SLC34A2: variants seen among roughly 807,000 people sequenced by gnomAD.
The protein encoded by SLC34A2 is solute carrier family 34 member 2.
SLC34A2 carries 41 observed loss-of-function variants against 50.8 expected under a neutral mutation model. That is an observed-to-expected ratio of 0.81 (90% confidence interval 0.63 to 1.05). SLC34A2 has a LOEUF of 1.05. Ranked by LOEUF, SLC34A2 falls within the 50% of genes least tolerant of loss-of-function variation. The pLI is 0.00. For missense variants in SLC34A2, 879 were observed against 876.7 expected, an observed-to-expected ratio of 1.00 and a Z score of -0.03; for synonymous variants, 401 against 364.2, an observed-to-expected ratio of 1.10 and a Z score of -1.15.
intron 7 of SLC34A2, among the ~76,000 whole-genome samples, chr4:25,670,341 T>C (rs1714748537): frequency 6.6e-6 from 1 of 152,230 alleles, no homozygotes; most frequent in African/African-American, 2.4e-5. Flanking sequence ...TTGACTTCCA[T>C]AACATGCCAC....
At position 25,673,186 on chromosome 4, in the gene SLC34A2, T is replaced by C. The variant is rs771701778; in HGVS notation, c.1148T>C (p.Ile383Thr). The C allele has an allele frequency of 5.6e-6, 9 of 1,614,016 alleles. No individual in the cohort carries two copies. Among genetic ancestry groups the C allele is most frequent in the Non-Finnish European group, 7.6e-6 (9 of 1,180,020 alleles). ...LLVLCGCLIMIVKILGSVLKG... is the reference protein window; with the variant it reads ...LLVLCGCLIMTVKILGSVLKG... ...GTCCTCTGTGGTTGCCTGATCATGA[T>C]TGTCAAGATCCTGGGCTCTGTGCTC... The change falls in exon 10 of 13, where the codon ATT (isoleucine) becomes ACT (threonine). Residue 383 changes from isoleucine to threonine, a missense_variant. By Grantham distance (89) the Ile-to-Thr change is moderately conservative. Transcript: ENST00000382051.
rs766256521 is a variant in SLC34A2, at chr4:25,676,363, G to A, written c.1687G>A (p.Val563Ile). ...GCTGGTTGGTGTCGGGGTTCCCGTCGTCTTCATCATCATCCTGGTACTGTG... is the reference window on the plus strand; with the variant it reads ...GCTGGTTGGTGTCGGGGTTCCCGTCATCTTCATCATCATCCTGGTACTGTG... ...RVLVGVGVPVVFIIILVLCLR... is the reference protein window; with the variant it reads ...RVLVGVGVPVIFIIILVLCLR... The change falls in exon 13 of 13, where the codon GTC (valine) becomes ATC (isoleucine). Residue 563 changes from valine (V) to isoleucine (I), a missense_variant. By Grantham distance (29) the Val-to-Ile change is conservative. Transcript: ENST00000382051. The A allele has an allele frequency of 1.9e-6, 3 of 1,614,142 alleles. No individual in the cohort carries two copies. Among genetic ancestry groups the A allele is most frequent in the African/African-American group, 2.7e-5 (2 of 75,022 alleles).
At chr4:25,674,202 G>C (rs868621264) in intron 10 of SLC34A2, 94 bp from the exon 11 acceptor site, 1 of 838,706 alleles carries the variant, frequency 1.2e-6, no homozygotes, top group Middle Eastern at 2.2e-4. Context: ...ATGGGATGAT[G>C]TACAACCTCA....
At chr4:25,667,122 T>C (rs1034878445) in intron 5 of SLC34A2, 1 of 152,284 alleles carries the variant, frequency 6.6e-6, no homozygotes, top group Non-Finnish European at 1.5e-5. Context: ...TTCAAAATAT[T>C]TTACTTGTTT....
At chr4:25,662,396 C>G in intron 1 of SLC34A2, 102 bp from the exon 2 acceptor site, 1 of 1,054,260 alleles carries the variant, frequency 9.5e-7, no homozygotes, top group East Asian at 2.5e-5. Context: ...GGCCGAAACC[C>G]CCACCCAGTT....
intron 3 of SLC34A2, 56 bp from the exon 4 acceptor site, chr4:25,664,146 C>T (rs1560235778): frequency 2.5e-6 from 4 of 1,592,248 alleles, no homozygotes; most frequent in Non-Finnish European, 3.4e-6. Flanking sequence ...CTCAGGGTTT[C>T]CAACACTAAA....
In SLC34A2 at chr4:25,677,174, C is replaced by T. The variant is rs1029142104; in HGVS notation, c.*425C>T. 1.1e-4 allele frequency: 19 copies of T among 178,822 alleles called. No homozygotes were observed. The highest frequency in any genetic ancestry group is 8.6e-4 in the Admixed American group (16 of 18,684). 11.1% of individuals were successfully genotyped at this position (178,822 alleles called of 1,614,324 possible). ...CTCTATGACTATCAAGCTCAGGCCT[C>T]TCCCTTTTTTTAAACCAAAGTCTGG... is the stretch of plus-strand genomic sequence containing the variant. On this transcript the variant is annotated 3_prime_UTR_variant, in exon 13 of 13. Coordinates refer to ENST00000382051, the MANE Select transcript of SLC34A2 (RefSeq NM_006424.3).
chr4:25,664,165 G>A, intron 3 of SLC34A2, 37 bp from the exon 4 acceptor site: 1 of 1,610,192 alleles, frequency 6.2e-7, no homozygotes. Context: ...AAAGTTTCAT[G>A]CCTTTCTCTC....
chr4:25,670,743 T>A lies in SLC34A2; in HGVS notation c.837T>A (p.Asp279Glu). 1 of 1,613,356 alleles carries A rather than the reference T, an allele frequency of 6.2e-7. No homozygotes were observed. Among genetic ancestry groups the A allele is most frequent in the Non-Finnish European group, 8.5e-7 (1 of 1,179,380 alleles). Residue 279 changes from aspartate (D) to glutamate (E), a missense_variant, in exon 8 of 13, where the codon GAT becomes GAA. Physicochemically the swap from Asp to Glu is conservative, Grantham distance 45. Coordinates refer to ENST00000382051, the MANE Select transcript of SLC34A2 (RefSeq NM_006424.3). ...CCTGTCTACTGTTTCCACAGCTGGA[T>A]AAAAAAGTTATCAGCCAAATTGCAA... ...KPFTKLIVQLDKKVISQIAMN... is the reference protein window; with the variant it reads ...KPFTKLIVQLEKKVISQIAMN...
At position 25,673,146 on chromosome 4, in the gene SLC34A2, A is replaced by G. The variant is rs915538683; in HGVS notation, c.1108A>G (p.Ile370Val). ...TCTTGCTGTGGGCACCATCTTGCTC[A>G]TACTCTCCCTGCTGGTCCTCTGTGG... ...PDLAVGTILL[I>V]LSLLVLCGCL... Residue 370 changes from isoleucine to valine, a missense_variant, in exon 10 of 13, where the codon ATA becomes GTA. Physicochemically the swap from Ile to Val is conservative, Grantham distance 29. Coordinates refer to ENST00000382051, the MANE Select transcript of SLC34A2 (RefSeq NM_006424.3). 28 of 1,613,832 alleles carry G rather than the reference A, an allele frequency of 1.7e-5. No individual in the cohort carries two copies. Among genetic ancestry groups the G allele is most frequent in the Middle Eastern group, 1.6e-4 (1 of 6,082 alleles).
At chr4:25,667,831 C>T (rs758967503) in intron 5 of SLC34A2, 49 bp from the exon 6 acceptor site, 1 of 1,271,858 alleles carries the variant, frequency 7.9e-7, no homozygotes, top group East Asian at 2.3e-5. Flanking sequence ...TTTAGCCTGC[C>T]TCCAGGCTGC....
chr4:25,678,738 C>T lies in SLC34A2; in HGVS notation c.*1989C>T. 1 of 446,702 alleles carries T rather than the reference C, an allele frequency of 2.2e-6. No homozygotes were observed. The highest frequency in any genetic ancestry group is 3.1e-5 in the South Asian group (1 of 32,250). The allele number at this position is 446,702 out of a possible 1,614,324, so 27.7% of individuals were successfully genotyped here. ...TATGGGAAGGGAGAAATAAAATCAT[C>T]AAACCCAAAAGGAGTGTGTTGTTTT... On this transcript the variant is annotated 3_prime_UTR_variant, in exon 13 of 13. Coordinates refer to ENST00000382051, the MANE Select transcript of SLC34A2 (RefSeq NM_006424.3).
chr4:25,662,954 G>A (rs1714289849), intron 3 of SLC34A2, 112 bp downstream of exon 3: 50 of 1,288,826 alleles, frequency 3.9e-5, no homozygotes, highest in Non-Finnish European at 4.8e-5. Context: ...TGAAGCAAGG[G>A]TCCTGGCTAG....
rs751469624 is a variant in SLC34A2 at position 25,659,442 on chromosome 4, C to CTATAT, written c.-3-3056_-3-3055insTATAT. ...GATGAAGAGCTTATAGTCTAGGGTA[C>CTATAT]ACACAGTGGAAATGAGGCCATTTAC... On this transcript the variant is annotated intron_variant, in intron 1 of 12. Coordinates refer to ENST00000382051, the MANE Select transcript of SLC34A2 (RefSeq NM_006424.3). Among the ~76,000 whole-genome samples the CTATAT allele has an allele frequency of 1.9e-3, 290 of 152,230 alleles. 1 individual carries two copies. The highest frequency in any genetic ancestry group is 3.7e-3 in the South Asian group (18 of 4,816).
In SLC34A2 at chr4:25,676,747, T is replaced by G; in HGVS notation, c.2071T>G (p.Ter691GluextTer37). 1 of 1,614,154 alleles carries G rather than the reference T, an allele frequency of 6.2e-7. No homozygotes were observed. Among genetic ancestry groups the G allele is most frequent in the Non-Finnish European group, 8.5e-7 (1 of 1,180,034 alleles). The change falls in exon 13 of 13, where the codon TAG (stop) becomes GAG (glutamate). Residue 691 changes from the stop codon to glutamate (E), a stop_lost. Transcript: ENST00000382051. Reference protein sequence around the residue: ...SDSKTECTAL* With the variant: ...SDSKTECTALE ...CTCAAAGACCGAATGCACGGCCTTG[T>G]AGGGGACGCCCCAGATTGTCAGGGA...
chr4:25,670,969 AC>A lies in SLC34A2; in HGVS notation c.927+138del, dbSNP rs555814405. 6.0e-4 allele frequency: 443 copies of A among 734,484 alleles called. 6 individuals are homozygous for A. In the East Asian group the frequency reaches 8.1e-3, roughly 13 times the overall value. The allele number at this position is 734,484 out of a possible 1,614,324, so 45.5% of individuals were successfully genotyped here. A position where few individuals can be genotyped will look rare whatever the true frequency, so the allele number is the denominator to read the frequency against. On this transcript the variant is annotated intron_variant, in intron 8 of 12. Transcript: ENST00000382051. Reference sequence around the variant, plus strand: ...GGGAGTCCCTGAAAAATCAAAAGTGACCAGTGAATGCCTTTAGAAAACAAGT... The same window carrying A: ...GGGAGTCCCTGAAAAATCAAAAGTGACAGTGAATGCCTTTAGAAAACAAGT...
chr4:25,664,180 C>G, intron 3 of SLC34A2, 22 bp from the exon 4 acceptor site: 2 of 1,600,744 alleles, frequency 1.2e-6, no homozygotes, highest in Non-Finnish European at 1.7e-6. Flanking sequence ...TCTCTCTCTC[C>G]CCCCATCCCA....
Position 25,676,657 on chromosome 4 carries a change from GC to G in SLC34A2, c.1982del (p.Ala661ValfsTer8). ...GGAGGGGCAGGATGTCCCTGTCAAGGCTCCTGAGACCTTTGATAACATAACC... is the reference window on the plus strand; with the variant it reads ...GGAGGGGCAGGATGTCCCTGTCAAGGTCCTGAGACCTTTGATAACATAACC... The part of the protein sequence containing the change: ...AQEGQDVPVK[A>X]PETFDNITIS... On this transcript the variant is annotated frameshift_variant, in exon 13 of 13. Transcript: ENST00000382051. LOFTEE classifies it low-confidence loss of function (END_TRUNC). 1 of 1,614,180 alleles carries G rather than the reference GC, an allele frequency of 6.2e-7. No homozygotes were observed. The highest frequency in any genetic ancestry group is 8.5e-7 in the Non-Finnish European group (1 of 1,180,034).
At chr4:25,658,529 C>T (rs1714006713) in intron 1 of SLC34A2, among the ~76,000 whole-genome samples, 1 of 152,186 alleles carries the variant, frequency 6.6e-6, no homozygotes, top group Non-Finnish European at 1.5e-5. Context: ...TCCCCTGCTT[C>T]CCAAGTCTGA....
Sources: allele counts gnomAD v4.1 joint callset (sites outside exome capture counted in the v4.1 genomes callset), GRCh38; gene constraint gnomAD v4.1.1; transcripts MANE v1.5; gene names NCBI Gene and HGNC (gene_info 2026-07-23, HGNC 2026-07-21).